The following SRFBP1 variants were observed in gnomAD, a reference collection of about 807,000 sequenced individuals.
The protein encoded by SRFBP1 is serum response factor binding protein 1, also known as serum response factor-binding protein 1.
In SRFBP1, 47 loss-of-function variants were observed where a neutral mutation model predicts 45.5. The observed-to-expected ratio is 1.03, with a 90% CI of 0.82 to 1.32. SRFBP1 has a LOEUF of 1.32. Ranked by LOEUF, SRFBP1 falls within the 40% of genes most tolerant of loss-of-function variation. The pLI, the probability that SRFBP1 is intolerant of heterozygous loss-of-function variation, is 0.00. For missense variants in SRFBP1, 621 were observed against 484.6 expected (o/e 1.28, Z -2.64); for synonymous variants, 203 against 166.3 (o/e 1.22, Z -1.70).
At chr5:122,051,350 G>A (rs1343380379) in intron 2 of SRFBP1, among the ~76,000 whole-genome samples, 1 of 151,904 alleles carries the variant, frequency 6.6e-6, no homozygotes, top group Admixed American at 6.6e-5. Context: ...TACTGTCAGT[G>A]GAGTGTTGAA....
chr5:122,022,446 AG>A (rs750757868), intron 7 of SRFBP1, 39 bp downstream of exon 7: 3 of 1,569,868 alleles, frequency 1.9e-6, no homozygotes. Flanking sequence ...TATGCAATTA[AG>A]CTATGTTTTA....
intron 4 of SRFBP1, among the ~76,000 whole-genome samples, chr5:122,016,784 G>A (rs1055948584): frequency 2.6e-5 from 4 of 152,120 alleles, no homozygotes; most frequent in African/African-American, 9.7e-5. Context: ...TGAAGAAACA[G>A]GTTCACTTTG....
chr5:121,998,091 G>T (rs1164176860), intron 4 of SRFBP1, among the ~76,000 whole-genome samples: 1 of 151,884 alleles, frequency 6.6e-6, no homozygotes, highest in African/African-American at 2.4e-5. Context: ...TTCAACCATT[G>T]TGGAAGTCAG....
intron 3 of SRFBP1, 91 bp from the exon 4 acceptor site, chr5:121,994,508 A>T: frequency 1.3e-6 from 1 of 765,012 alleles, no homozygotes. Context: ...ATGTTATTTA[A>T]TATTAAGTTT....
chr5:121,977,828 G>GA (rs547463293), intron 3 of SRFBP1, among the ~76,000 whole-genome samples: 15 of 151,794 alleles, frequency 9.9e-5, no homozygotes, highest in Admixed American at 9.2e-4. Flanking sequence ...GGCCAACTAA[G>GA]AAAAAAAATT....
chr5:121,992,635 C>T (rs17148689), intron 3 of SRFBP1, among the ~76,000 whole-genome samples: 3,649 of 152,156 alleles, frequency 0.024, 144 homozygotes, highest in African/African-American at 0.081. Context: ...TGTAATTAAT[C>T]GCTACTTAGG....
intron 3 of SRFBP1, among the ~76,000 whole-genome samples, chr5:121,985,389 A>G (rs2112829174): frequency 6.6e-6 from 1 of 151,804 alleles, no homozygotes; most frequent in African/African-American, 2.4e-5. Flanking sequence ...AAGAAATACA[A>G]AGCTTTTAGA....
chr5:121,967,438 AAGCACTCT>A (rs1197912231), intron 1 of SRFBP1, among the ~76,000 whole-genome samples: 2 of 152,216 alleles, frequency 1.3e-5, no homozygotes, highest in Non-Finnish European at 1.5e-5. Context: ...GATAATCACT[AAGCACTCT>A]AGGTATTTTA....
intron 2 of SRFBP1, among the ~76,000 whole-genome samples, chr5:122,068,882 T>A (rs527551378): frequency 6.6e-6 from 1 of 152,188 alleles, no homozygotes; most frequent in East Asian, 1.9e-4. Context: ...AAAACTAATC[T>A]GTTTATTTAA....
intron 1 of SRFBP1, among the ~76,000 whole-genome samples, chr5:121,969,390 A>T (rs1752142532): frequency 6.6e-6 from 1 of 151,920 alleles, no homozygotes; most frequent in African/African-American, 2.4e-5. Context: ...TAGATTTCTC[A>T]AGTCTCTGAG....
rs1464399726 is a variant in SRFBP1 at position 122,022,377 on chromosome 5, A to G, written c.1075A>G (p.Lys359Glu). The stretch of plus-strand genomic sequence containing the variant: ...GTGTTTTTCTTCTTTTAGAAATTTC[A>G]AAGAACAGGCTCCAAAAACAAGATC... The part of the protein sequence containing the change: ...SGSKSSRRNF[K>E]EQAPKTRSLD... The change falls in exon 7 of 8, where the codon AAA becomes GAA. Residue 359 changes from lysine to glutamate, a missense_variant. Physicochemically the swap from Lys to Glu is moderately conservative, Grantham distance 56. Transcript: ENST00000339397. The G allele has an allele frequency of 2.5e-6, 4 of 1,610,810 alleles. No homozygotes were observed. Among genetic ancestry groups the G allele is most frequent in the Non-Finnish European group, 3.4e-6 (4 of 1,178,776 alleles).
intron 4 of SRFBP1, among the ~76,000 whole-genome samples, chr5:122,007,066 TC>T (rs1752991223): frequency 6.6e-6 from 1 of 152,108 alleles, no homozygotes; most frequent in African/African-American, 2.4e-5. Context: ...AGAACCGTTC[TC>T]CAGTCAGTGC....
chr5:121,977,758 A>C (rs574084880), intron 3 of SRFBP1, among the ~76,000 whole-genome samples: 1 of 152,126 alleles, frequency 6.6e-6, no homozygotes, highest in East Asian at 1.9e-4. Context: ...ATTTTGTTGC[A>C]GGATGACTTC....
intron 1 of SRFBP1, among the ~76,000 whole-genome samples, chr5:121,962,701 C>T (rs936692663): frequency 2.0e-5 from 3 of 152,172 alleles, no homozygotes; most frequent in Non-Finnish European, 4.4e-5. Flanking sequence ...CCATAGTGTG[C>T]GGTGTCGACA....
intron 2 of SRFBP1, among the ~76,000 whole-genome samples, chr5:122,036,217 T>G (rs1371789728): frequency 2.6e-5 from 4 of 152,152 alleles, no homozygotes; most frequent in Non-Finnish European, 5.9e-5. Context: ...CTGATACCAC[T>G]TTGATCAGCT....
chr5:122,038,651 T>C (rs914594720), intron 2 of SRFBP1, among the ~76,000 whole-genome samples: 4 of 152,192 alleles, frequency 2.6e-5, no homozygotes, highest in Admixed American at 6.5e-5. Flanking sequence ...CCAAACATGA[T>C]AGCCTTTAAG....
chr5:121,969,505 A>G (rs1752145634), intron 1 of SRFBP1, among the ~76,000 whole-genome samples: 1 of 151,974 alleles, frequency 6.6e-6, no homozygotes, highest in South Asian at 2.1e-4. Context: ...GAGTCATCTC[A>G]CATGGTCTTT....
chr5:122,032,538 C>A (rs1332199066), downstream of SRFBP1, among the ~76,000 whole-genome samples: 1 of 152,106 alleles, frequency 6.6e-6, no homozygotes, highest in Non-Finnish European at 1.5e-5. Context: ...TAGATGATTA[C>A]GTGAACTTTG....
intron 2 of SRFBP1, among the ~76,000 whole-genome samples, chr5:122,071,620 G>A (rs559069287): frequency 9.2e-5 from 14 of 152,084 alleles, no homozygotes; most frequent in Non-Finnish European, 1.5e-4. Flanking sequence ...GGAGTCTGTA[G>A]GTATATTCTT....
Sources: gnomAD v4.1 joint callset for allele counts (sites outside exome capture counted in the v4.1 genomes callset) on GRCh38, gnomAD v4.1.1 for gene constraint, MANE v1.5 for transcripts, NCBI Gene and HGNC (gene_info 2026-07-23, HGNC 2026-07-21) for gene names.